The following PCDHGA1 variants were observed in gnomAD, a reference collection of about 807,000 sequenced individuals.
The protein encoded by PCDHGA1 is protocadherin gamma-A1.
PCDHGA1 carries 32 observed loss-of-function variants against 58.0 expected under a neutral mutation model. The observed-to-expected ratio is 0.55, with a 90% CI of 0.42 to 0.74. The LOEUF is 0.74. Ranked by LOEUF, PCDHGA1 falls within the 30% of genes least tolerant of loss-of-function variation. The pLI, the probability that PCDHGA1 is intolerant of heterozygous loss-of-function variation, is 0.00. For synonymous variants in PCDHGA1, 498 were observed against 501.1 expected (o/e 0.99, Z 0.08); for missense variants, 1,205 against 1,182.3 (o/e 1.02, Z -0.28).
At chr5:141,393,683 G>C (rs370409157) in intron 1 of PCDHGA1, 2 of 1,613,850 alleles carry the variant, frequency 1.2e-6, no homozygotes, top group East Asian at 4.5e-5. Flanking sequence ...AACAAACTCC[G>C]TTATTCCAGC....
At chr5:141,435,376 A>G (rs1358757887) in intron 1 of PCDHGA1, among the ~76,000 whole-genome samples, 1 of 152,200 alleles carries the variant, frequency 6.6e-6, no homozygotes, top group Non-Finnish European at 1.5e-5. Flanking sequence ...TAAATATACA[A>G]TATACCGTAT....
intron 1 of PCDHGA1, chr5:141,350,837 C>A: frequency 6.2e-7 from 1 of 1,614,044 alleles, no homozygotes; most frequent in African/African-American, 1.3e-5. Flanking sequence ...GGTATTACTG[C>A]TGGAAAAACC....
intron 1 of PCDHGA1, chr5:141,433,186 G>A (rs753657435): frequency 1.4e-5 from 23 of 1,601,378 alleles, no homozygotes; most frequent in Non-Finnish European, 1.9e-5. Context: ...TAATTGAGGT[G>A]AGTTTATATC....
intron 1 of PCDHGA1, chr5:141,364,246 G>C (rs918034939): frequency 6.8e-7 from 1 of 1,464,914 alleles, no homozygotes; most frequent in African/African-American, 1.4e-5. Flanking sequence ...ATTTTCGTCA[G>C]GGAATATGTA....
chr5:141,357,871 C>T (rs1760751635), intron 1 of PCDHGA1: 1 of 563,570 alleles, frequency 1.8e-6, no homozygotes, highest in African/African-American at 1.9e-5. Context: ...AATTTTACAA[C>T]TCTGAGCCAC....
At chr5:141,355,608 A>G (rs1561509315) in intron 1 of PCDHGA1, 2 of 1,613,982 alleles carry the variant, frequency 1.2e-6, no homozygotes, top group Non-Finnish European at 1.7e-6. Context: ...TTGGGACAGA[A>G]CAGAGGGAAA....
At chr5:141,339,020 T>C in intron 1 of PCDHGA1, 1 of 1,590,610 alleles carries the variant, frequency 6.3e-7, no homozygotes, top group Non-Finnish European at 8.6e-7. Flanking sequence ...GGTCCTGCTG[T>C]GCTTCCTTTT....
intron 1 of PCDHGA1, chr5:141,395,512 A>C: frequency 4.7e-6 from 2 of 421,514 alleles, no homozygotes; most frequent in Non-Finnish European, 8.4e-6. Flanking sequence ...AGAAGTAGCT[A>C]CCCGTCCATA....
At position 141,339,273 on chromosome 5, in the gene PCDHGA1, C is replaced by A. The variant is rs774171883; in HGVS notation, c.2421+6168C>A. 1.9e-6 allele frequency: 3 copies of A among 1,614,236 alleles called. No individual in the cohort carries two copies. In the South Asian group the frequency reaches 3.3e-5, roughly 18 times the overall value. On this transcript the variant is annotated intron_variant, in intron 1 of 3. Coordinates refer to ENST00000517417, the MANE Select transcript of PCDHGA1 (RefSeq NM_018912.3). ...GAGGAGCTCTGCGCTCAGAGCGCAC[C>A]CTGTCTGTTGAATTTTAACATTCTG...
At chr5:141,397,241 A>G (rs907539043) in intron 1 of PCDHGA1, among the ~76,000 whole-genome samples, 1 of 152,232 alleles carries the variant, frequency 6.6e-6, no homozygotes, top group Admixed American at 6.5e-5. Context: ...AGAGCAACGT[A>G]GTAGGGTATA....
rs773499765 is a variant in PCDHGA1 at position 141,489,626 on chromosome 5, A to T, written c.2422-5181A>T. 6.2e-6 allele frequency: 10 copies of T among 1,613,568 alleles called. No individual in the cohort carries two copies. In the South Asian group the frequency reaches 9.9e-5, roughly 16 times the overall value. On this transcript the variant is annotated intron_variant, in intron 1 of 3. Coordinates refer to ENST00000517417, the MANE Select transcript of PCDHGA1 (RefSeq NM_018912.3). The surrounding 1 kb of genome is among the most constrained non-coding windows in gnomAD (Gnocchi z 4.5). The stretch of plus-strand genomic sequence containing the variant: ...GTAGAGATCCTGGATCTCAATGACA[A>T]CTCTCCTAGCTTTGCCACCCCTGAG...
At chr5:141,507,797 C>A (rs933921827) in intron 3 of PCDHGA1, among the ~76,000 whole-genome samples, 1 of 152,240 alleles carries the variant, frequency 6.6e-6, no homozygotes, top group Admixed American at 6.5e-5. Context: ...TCTAAGCCTG[C>A]GCCCTGGGGA....
chr5:141,469,500 G>A (rs1471801110), intron 1 of PCDHGA1, among the ~76,000 whole-genome samples: 4 of 151,914 alleles, frequency 2.6e-5, no homozygotes, highest in South Asian at 2.1e-4. Flanking sequence ...GCTTGAACCC[G>A]GGAGGTGGAG....
chr5:141,428,116 A>G, intron 1 of PCDHGA1: 1 of 1,607,216 alleles, frequency 6.2e-7, no homozygotes, highest in Non-Finnish European at 8.5e-7. Flanking sequence ...CAGGCCATCG[A>G]GCCCGGGCTT....
intron 1 of PCDHGA1, chr5:141,366,502 G>A (rs1764600117): frequency 1.9e-6 from 3 of 1,614,150 alleles, no homozygotes; most frequent in Non-Finnish European, 1.7e-6. Context: ...AGTCACGCCT[G>A]CTTCAGGCTG....
rs1222348421 is a variant in PCDHGA1, at chr5:141,511,044, C to T, written c.2667C>T (p.Asp889=). 1 of 1,614,128 alleles carries T rather than the reference C, an allele frequency of 6.2e-7. No homozygotes were observed. The highest frequency in any genetic ancestry group is 1.3e-5 in the African/African-American group (1 of 74,940). ...GPQFTLQHVP[D]YRQNVYIPGS... is the part of the protein sequence containing the mutation. ...AGTTCACCCTGCAGCACGTGCCCGA[C>T]TACCGCCAGAATGTCTACATCCCAG... The change falls in exon 4 of 4, where the codon GAC becomes GAT. Residue 889 remains aspartate, a synonymous_variant. Coordinates refer to ENST00000517417, the MANE Select transcript of PCDHGA1 (RefSeq NM_018912.3).
chr5:141,357,682 G>A (rs1467921091), intron 1 of PCDHGA1: 19 of 1,578,578 alleles, frequency 1.2e-5, no homozygotes, highest in African/African-American at 5.5e-5. Flanking sequence ...TTGTGTAAAT[G>A]TCTCTCATTT....
chr5:141,376,681 T>TTTTTTG, intron 1 of PCDHGA1: 1 of 745,704 alleles, frequency 1.3e-6, no homozygotes, highest in Non-Finnish European at 2.0e-6. Context: ...GTATCGTTTT[T>TTTTTTG]TTTTTTTTTT....
rs930862898 is a variant in PCDHGA1 at position 141,480,073 on chromosome 5, C to A, written c.2422-14734C>A. ...GGAATAATAAGTGTTTTATAAGATT[C>A]ATGCATGATATAATGTATGCAAAGT... On this transcript the variant is annotated intron_variant, in intron 1 of 3. Coordinates refer to ENST00000517417, the MANE Select transcript of PCDHGA1 (RefSeq NM_018912.3). Among the ~76,000 whole-genome samples, 5 of 152,174 alleles carry A rather than the reference C, an allele frequency of 3.3e-5. No homozygotes were observed. In the South Asian group the frequency reaches 8.3e-4, roughly 25 times the overall value.
Sources: allele counts gnomAD v4.1 joint callset (sites outside exome capture counted in the v4.1 genomes callset), GRCh38; gene constraint gnomAD v4.1.1; non-coding constraint Gnocchi (gnomAD v3.1); transcripts MANE v1.5; gene names NCBI Gene and HGNC (gene_info 2026-07-23, HGNC 2026-07-21).